The following SPATA6 variants were observed in gnomAD, a reference collection of about 807,000 sequenced individuals.
SPATA6 encodes the protein spermatogenesis-associated protein 6.
Under a neutral mutation model 65.3 loss-of-function variants are expected in SPATA6, and 56 were observed. That is an observed-to-expected ratio of 0.86 (90% CI 0.69 to 1.07). The LOEUF is 1.07. SPATA6 is among the 50% of genes least tolerant of loss of function. SPATA6 has a pLI of 0.00. For synonymous variants in SPATA6, 199 were observed against 213.2 expected, an observed-to-expected ratio of 0.93 and a Z score of 0.58; for missense variants, 590 against 594.8, an observed-to-expected ratio of 0.99 and a Z score of 0.08.
rs530834702 is a variant in SPATA6 at position 48,365,118 on chromosome 1, T to G, written c.910-5348A>C. ...AAGATCAGATAGTTGTAGATATGCG[T>G]CATTATTTCTGAGGGCTCTGTTCTG... is the stretch of plus-strand genomic sequence containing the variant. On this transcript the variant is annotated intron_variant, in intron 9 of 12. Coordinates refer to ENST00000371847, the MANE Select transcript of SPATA6 (RefSeq NM_019073.4). 4.0e-3 allele frequency among the ~76,000 whole-genome samples: 601 copies of G among 151,818 alleles called. 3 individuals carry two copies. Among genetic ancestry groups the G allele is most frequent in the African/African-American group, 0.012 (493 of 41,446 alleles).
intron 8 of SPATA6, among the ~76,000 whole-genome samples, chr1:48,393,562 T>C (rs1650280777): frequency 6.6e-6 from 1 of 152,294 alleles, no homozygotes; most frequent in South Asian, 2.1e-4. Context: ...ATAGATTAGT[T>C]AATATTATTA....
intron 9 of SPATA6, among the ~76,000 whole-genome samples, chr1:48,378,899 T>C (rs1028623850): frequency 5.0e-4 from 76 of 152,208 alleles, no homozygotes; most frequent in African/African-American, 1.6e-3. Context: ...CATACAATGG[T>C]ATACTATTCA....
intron 3 of SPATA6, among the ~76,000 whole-genome samples, chr1:48,422,682 G>A (rs1653457937): frequency 6.6e-6 from 1 of 152,112 alleles, no homozygotes; most frequent in African/African-American, 2.4e-5. Context: ...AGCCTATCTG[G>A]AGAAAGAGAA....
rs115924552 is a variant in SPATA6 at position 48,379,442 on chromosome 1, C to T, written c.909+5867G>A. On this transcript the variant is annotated intron_variant, in intron 9 of 12. Transcript: ENST00000371847. Reference sequence around the variant, plus strand: ...AAGTCAAACTCATAGAAGCAGAAAACAGAATGGTGGTTGCCAGGGGGACAT... The same window carrying T: ...AAGTCAAACTCATAGAAGCAGAAAATAGAATGGTGGTTGCCAGGGGGACAT... 5.1e-3 allele frequency among the ~76,000 whole-genome samples: 776 copies of T among 152,162 alleles called. 8 individuals carry two copies. The highest frequency in any genetic ancestry group is 0.018 in the African/African-American group (763 of 41,498).
chr1:48,468,135 T>C lies in SPATA6; in HGVS notation c.51+3823A>G, dbSNP rs557580107. Reference sequence around the variant, plus strand: ...ATATTCATTGCTGCATTATTCACCATACTCATGATATGGAAGCAACCTAAG... The same window carrying C: ...ATATTCATTGCTGCATTATTCACCACACTCATGATATGGAAGCAACCTAAG... On this transcript the variant is annotated intron_variant, in intron 1 of 12. Transcript: ENST00000371847. Among the ~76,000 whole-genome samples, 4 of 152,312 alleles carry C rather than the reference T, an allele frequency of 2.6e-5. No homozygotes were observed. The East Asian group carries it at 5.8e-4, about 22-fold the overall frequency.
intron 9 of SPATA6, among the ~76,000 whole-genome samples, chr1:48,367,930 A>G (rs968050373): frequency 7.2e-5 from 11 of 152,274 alleles, no homozygotes; most frequent in Admixed American, 2.0e-4. Flanking sequence ...GCAGTGGCTG[A>G]TACCAGTTGT....
At chr1:48,318,927 TC>T (rs1423170650) in intron 11 of SPATA6, among the ~76,000 whole-genome samples, 3 of 152,114 alleles carry the variant, frequency 2.0e-5, no homozygotes, top group Non-Finnish European at 2.9e-5. Context: ...GATATATAGA[TC>T]AATGAAACAG....
chr1:48,322,398 C>T (rs912266372), intron 11 of SPATA6, among the ~76,000 whole-genome samples: 1 of 152,120 alleles, frequency 6.6e-6, no homozygotes, highest in Non-Finnish European at 1.5e-5. Context: ...CCCTTCCTTA[C>T]ACCTTATATA....
intron 3 of SPATA6, among the ~76,000 whole-genome samples, chr1:48,442,353 A>T (rs1339541409): frequency 6.6e-6 from 1 of 152,196 alleles, no homozygotes; most frequent in African/African-American, 2.4e-5. Flanking sequence ...GTTCCTAACC[A>T]CTGGGGGAAC....
chr1:48,343,444 C>G (rs1646274171), intron 11 of SPATA6, among the ~76,000 whole-genome samples: 1 of 152,028 alleles, frequency 6.6e-6, no homozygotes, highest in South Asian at 2.1e-4. Flanking sequence ...AGTAACAAAA[C>G]AGATGAAGCG....
rs770808634 is a variant in SPATA6 at position 48,395,288 on chromosome 1, C to T, written c.847G>A (p.Gly283Arg). 6.4e-7 allele frequency: 1 copy of T among 1,566,136 alleles called. No homozygotes were observed. The highest frequency in any genetic ancestry group is 1.8e-5 in the Admixed American group (1 of 54,518). The change falls in exon 8 of 13, where the codon GGA becomes AGA. Residue 283 changes from glycine to arginine, a missense_variant. Coordinates refer to ENST00000371847, the MANE Select transcript of SPATA6 (RefSeq NM_019073.4). ...TTACCATTGTGCACCCTTGACCATC[C>T]ATCTCTTTCACAGTCTCTTCCAGAA... ...GSSGRDCERD[G>R]WSRVHNDHSH...
the SPATA6 span, among the ~76,000 whole-genome samples, chr1:48,279,385 G>A: frequency 6.6e-6 from 1 of 152,124 alleles, no homozygotes; most frequent in South Asian, 2.1e-4. Flanking sequence ...ACACAGACTG[G>A]CAAACAGGAC....
chr1:48,374,530 C>T (rs1397156021), intron 9 of SPATA6, among the ~76,000 whole-genome samples: 1 of 152,120 alleles, frequency 6.6e-6, no homozygotes, highest in Non-Finnish European at 1.5e-5. Context: ...AATTCTTGCC[C>T]AGGAAAATAA....
intron 9 of SPATA6, among the ~76,000 whole-genome samples, chr1:48,373,673 C>T (rs1406235802): frequency 3.3e-5 from 5 of 152,206 alleles, no homozygotes; most frequent in Non-Finnish European, 7.3e-5. Context: ...GTTTGACTTA[C>T]AGTTCCACAT....
the SPATA6 span, among the ~76,000 whole-genome samples, chr1:48,281,420 T>C: frequency 6.6e-6 from 1 of 152,166 alleles, no homozygotes; most frequent in Non-Finnish European, 1.5e-5. Flanking sequence ...GACATGATTA[T>C]ATATCTAGAA....
chr1:48,393,529 C>G (rs957924264), intron 8 of SPATA6, among the ~76,000 whole-genome samples: 1 of 152,138 alleles, frequency 6.6e-6, no homozygotes, highest in African/African-American at 2.4e-5. Flanking sequence ...ATTAGGACAA[C>G]TGGCAAAATC....
intron 9 of SPATA6, among the ~76,000 whole-genome samples, chr1:48,371,803 G>A (rs769281999): frequency 1.5e-4 from 23 of 152,098 alleles, no homozygotes; most frequent in East Asian, 3.8e-4. Context: ...GGGAGGTTTC[G>A]CAATCATGGC....
intron 11 of SPATA6, among the ~76,000 whole-genome samples, chr1:48,314,697 A>G (rs1451640688): frequency 3.3e-5 from 5 of 152,206 alleles, no homozygotes; most frequent in Non-Finnish European, 7.3e-5. Context: ...AGATCAGAGC[A>G]GAACTGAAGG....
rs920736223 is a variant in SPATA6 at position 48,371,176 on chromosome 1, T to C, written c.910-11406A>G. On this transcript the variant is annotated intron_variant, in intron 9 of 12. Transcript: ENST00000371847. ...ACAAGGATGGATTATCATTAGAAAA[T>C]TTATCAATTCACCATAAAAAAAATT... Among the ~76,000 whole-genome samples the C allele has an allele frequency of 4.6e-5, 7 of 152,116 alleles. No individual in the cohort carries two copies. In the East Asian group the frequency reaches 1.4e-3, roughly 29 times the overall value.
Sources: allele counts gnomAD v4.1 joint callset (sites outside exome capture counted in the v4.1 genomes callset), GRCh38; gene constraint gnomAD v4.1.1; transcripts MANE v1.5; gene names NCBI Gene and HGNC (gene_info 2026-07-23, HGNC 2026-07-21).